Variants in GPATCH8 observed in about 807,000 individuals in gnomAD.
GPATCH8 encodes the protein G patch domain-containing protein 8.
Under a neutral mutation model 118.3 loss-of-function variants are expected in GPATCH8, and 18 were observed. That is an observed-to-expected ratio of 0.15 (90% CI 0.11 to 0.23). The LOEUF is 0.23. Among genes scored for constraint, GPATCH8 ranks in the 10% least tolerant of loss-of-function variants. GPATCH8 has a pLI of 1.00. For synonymous variants in GPATCH8, 659 were observed against 684.7 expected, an observed-to-expected ratio of 0.96 and a Z score of 0.59; for missense variants, 1,631 against 1,873.8, an observed-to-expected ratio of 0.87 and a Z score of 2.39.
chr17:44,445,928 T>C (rs1205518443), intron 3 of GPATCH8: 1 of 152,174 alleles, frequency 6.6e-6, no homozygotes, highest in Non-Finnish European at 1.5e-5. Flanking sequence ...GACCCATTAT[T>C]AGCTATTAAT....
chr17:44,435,462 G>A (rs2050471737), intron 4 of GPATCH8, among the ~76,000 whole-genome samples: 2 of 134,654 alleles, frequency 1.5e-5, no homozygotes, highest in Non-Finnish European at 3.1e-5. Flanking sequence ...TGCTCAGGCT[G>A]GGGTTTAATG....
At chr17:44,494,719 G>C (rs1205589537) in intron 1 of GPATCH8, among the ~76,000 whole-genome samples, 1 of 152,114 alleles carries the variant, frequency 6.6e-6, no homozygotes, top group East Asian at 1.9e-4. Context: ...TTAACTATAT[G>C]GGTATAGCAC....
intron 7 of GPATCH8, among the ~76,000 whole-genome samples, chr17:44,405,255 A>C (rs4792940): frequency 0.61 from 90,370 of 149,054 alleles, 27,409 homozygotes; most frequent in Middle Eastern, 0.69. Context: ...GTTGCCCAGG[A>C]TGGAGTGTAA....
intron 1 of GPATCH8, among the ~76,000 whole-genome samples, chr17:44,488,351 C>T (rs577002642): frequency 7.9e-5 from 12 of 150,966 alleles, no homozygotes; most frequent in East Asian, 4.0e-4. Flanking sequence ...TGCACCACCA[C>T]GCCAGACCAA....
At position 44,398,444 on chromosome 17, in the gene GPATCH8, C is replaced by T; in HGVS notation, c.3633G>A (p.Lys1211=). The change falls in exon 8 of 8, where the codon AAG becomes AAA. Residue 1211 remains lysine (K), a synonymous_variant. Coordinates refer to ENST00000591680, the MANE Select transcript of GPATCH8 (RefSeq NM_001002909.4). The stretch of plus-strand genomic sequence containing the variant: ...GGTGATCAGCAGTAGCTTCTCCAGA[C>T]TTTGACTCTTCTGGGGGTGGGTCTA... ...PLLDPPPEES[K]SGEATADHPV... The T allele has an allele frequency of 1.2e-6, 2 of 1,613,238 alleles. No homozygotes were observed. The highest frequency in any genetic ancestry group is 1.7e-6 in the Non-Finnish European group (2 of 1,179,522).
rs560248501 is a variant in GPATCH8, at chr17:44,461,698, T to C, written c.193+2774A>G. Among the ~76,000 whole-genome samples the C allele has an allele frequency of 5.9e-5, 9 of 151,998 alleles. No individual in the cohort carries two copies. In the South Asian group the frequency reaches 1.5e-3, roughly 25 times the overall value. On this transcript the variant is annotated intron_variant, in intron 3 of 7. Transcript: ENST00000591680. The stretch of plus-strand genomic sequence containing the variant: ...GAACCAAAATTCTAAACTGTTTTTT[T>C]TTCGTGTGTGTGTGAGACAGAGTCT...
At chr17:44,401,475 TAAA>T in intron 7 of GPATCH8, 22 bp from the exon 8 acceptor site, 4 of 1,513,148 alleles carry the variant, frequency 2.6e-6, no homozygotes, top group Middle Eastern at 1.7e-4. Flanking sequence ...TTTAGAAAAA[TAAA>T]AAACAAAAAG....
intron 6 of GPATCH8, among the ~76,000 whole-genome samples, chr17:44,411,081 T>G (rs769770178): frequency 2.0e-5 from 3 of 152,162 alleles, no homozygotes; most frequent in Non-Finnish European, 2.9e-5. Context: ...GCAGAAAAGG[T>G]ACACCCCAAC....
intron 3 of GPATCH8, among the ~76,000 whole-genome samples, chr17:44,454,059 A>G (rs1438178407): frequency 6.6e-6 from 1 of 152,214 alleles, no homozygotes; most frequent in African/African-American, 2.4e-5. Context: ...ATACATCAGT[A>G]TCTCCTATCT....
Position 44,402,060 on chromosome 17 carries a change from G to A in GPATCH8, c.624-607C>T, listed in dbSNP as rs145195978. ...GTACAGGCCGGGCGCAGTGGCTCAC[G>A]CCTGTAATCCCAGCACTTTGGGAGG... On this transcript the variant is annotated intron_variant, in intron 7 of 7. Coordinates refer to ENST00000591680, the MANE Select transcript of GPATCH8 (RefSeq NM_001002909.4). Among the ~76,000 whole-genome samples the A allele has an allele frequency of 1.4e-3, 212 of 150,056 alleles. 2 individuals carry two copies. The East Asian group carries it at 0.039, about 27-fold the overall frequency.
intron 2 of GPATCH8, among the ~76,000 whole-genome samples, chr17:44,471,815 T>C (rs573671367): frequency 1.1e-4 from 17 of 150,308 alleles, no homozygotes; most frequent in African/African-American, 3.9e-4. Context: ...CCTACTTTGA[T>C]GCCAATCACT....
At chr17:44,408,706 G>A (rs1278136579) in intron 6 of GPATCH8, among the ~76,000 whole-genome samples, 1 of 152,196 alleles carries the variant, frequency 6.6e-6, no homozygotes, top group Non-Finnish European at 1.5e-5. Flanking sequence ...CAACCTTGAA[G>A]ATGAAGGAAC....
chr17:44,433,143 C>A lies in GPATCH8; in HGVS notation c.348+1922G>T, dbSNP rs115748138. On this transcript the variant is annotated intron_variant, in intron 5 of 7. Transcript: ENST00000591680. ...ACCCAGCCGAGAAATAATTCTATTACCAGGGAGAGAGCATCTCAAGATACT... is the reference window on the plus strand; with the variant it reads ...ACCCAGCCGAGAAATAATTCTATTAACAGGGAGAGAGCATCTCAAGATACT... Among the ~76,000 whole-genome samples the A allele has an allele frequency of 4.8e-3, 734 of 152,070 alleles. 5 individuals carry two copies. The highest frequency in any genetic ancestry group is 0.017 in the African/African-American group (711 of 41,502).
In GPATCH8 at chr17:44,401,379, T is replaced by C; in HGVS notation, c.698A>G (p.Asp233Gly). Residue 233 changes from aspartate to glycine, a missense_variant, in exon 8 of 8, where the codon GAT becomes GGT. Transcript: ENST00000591680. ...VDEEGGEDDKDESATNSGTGA... is the reference protein window; with the variant it reads ...VDEEGGEDDKGESATNSGTGA... Reference sequence around the variant, plus strand: ...TGTGCCACTATTTGTAGCTGATTCATCTTTATCATCTTCTCCACCTTCTTC... The same window carrying C: ...TGTGCCACTATTTGTAGCTGATTCACCTTTATCATCTTCTCCACCTTCTTC... 2 of 1,613,024 alleles carry C rather than the reference T, an allele frequency of 1.2e-6. No homozygotes were observed. Among genetic ancestry groups the C allele is most frequent in the Non-Finnish European group, 1.7e-6 (2 of 1,179,134 alleles).
intron 1 of GPATCH8, among the ~76,000 whole-genome samples, chr17:44,481,097 G>A (rs1006832955): frequency 6.6e-6 from 1 of 152,132 alleles, no homozygotes; most frequent in Non-Finnish European, 1.5e-5. Flanking sequence ...TGTTGGTAGA[G>A]ATGGGGTTTT....
At chr17:44,456,046 C>CA (rs2051318759) in intron 3 of GPATCH8, among the ~76,000 whole-genome samples, 1 of 152,042 alleles carries the variant, frequency 6.6e-6, no homozygotes, top group South Asian at 2.1e-4. Flanking sequence ...AGCGCCCAGA[C>CA]AAAAAATGAT....
intron 3 of GPATCH8, among the ~76,000 whole-genome samples, chr17:44,442,794 T>C (rs751451633): frequency 5.9e-5 from 9 of 151,282 alleles, no homozygotes; most frequent in Non-Finnish European, 8.8e-5. Context: ...CAATTAAAAC[T>C]GGGCTGGGCT....
In GPATCH8 at chr17:44,483,200, T is replaced by C. The variant is rs1298286781; in HGVS notation, c.46-8297A>G. 4.0e-5 allele frequency among the ~76,000 whole-genome samples: 3 copies of C among 74,788 alleles called. 1 individual carries two copies. Among genetic ancestry groups the C allele is most frequent in the African/African-American group, 1.4e-4 (3 of 21,164 alleles). The allele number at this position is 74,788 out of a possible 152,430, so 49.1% of individuals were successfully genotyped here. On this transcript the variant is annotated intron_variant, in intron 1 of 7. Coordinates refer to ENST00000591680, the MANE Select transcript of GPATCH8 (RefSeq NM_001002909.4). ...AAATATATATATATATATATATATATATATATATATATATATACAGCCTAC... is the reference window on the plus strand; with the variant it reads ...AAATATATATATATATATATATATACATATATATATATATATACAGCCTAC...
At position 44,395,681 on chromosome 17, in the gene GPATCH8, T is replaced by C; in HGVS notation, c.*1887A>G. Reference sequence around the variant, plus strand: ...GGTGGGAGGGCAGTCAAGAGTTGTGTTTGCCTGCCACTTTCTTTTCATAAA... The same window carrying C: ...GGTGGGAGGGCAGTCAAGAGTTGTGCTTGCCTGCCACTTTCTTTTCATAAA... On this transcript the variant is annotated 3_prime_UTR_variant, in exon 8 of 8. Transcript: ENST00000591680. 1 of 454,134 alleles carries C rather than the reference T, an allele frequency of 2.2e-6. No individual in the cohort carries two copies. 28.1% of individuals were successfully genotyped at this position (454,134 alleles called of 1,614,324 possible).
Sources: gnomAD v4.1 joint callset for allele counts (sites outside exome capture counted in the v4.1 genomes callset) on GRCh38, gnomAD v4.1.1 for gene constraint, MANE v1.5 for transcripts, NCBI Gene and HGNC (gene_info 2026-07-23, HGNC 2026-07-21) for gene names.